ASXL3: variants seen among roughly 807,000 people sequenced by gnomAD.
ASXL3 encodes the protein putative Polycomb group protein ASXL3.
A neutral mutation model predicts 170.6 loss-of-function variants in ASXL3; 34 were observed. That is an observed-to-expected ratio of 0.20 (90% CI 0.15 to 0.27). The LOEUF (loss-of-function observed/expected upper bound fraction) is 0.27. Ranked by LOEUF, ASXL3 falls within the 10% of genes least tolerant of loss-of-function variation. The pLI, the probability that ASXL3 is intolerant of heterozygous loss-of-function variation, is 1.00. For synonymous variants in ASXL3, 1,002 were observed against 989.1 expected (o/e 1.01, Z -0.24); for missense variants, 2,592 against 2,695.3 (o/e 0.96, Z 0.85).
Position 33,748,915 on chromosome 18 carries a change from G to T in ASXL3, c.*2320G>T, listed in dbSNP as rs2067840724. On this transcript the variant is annotated 3_prime_UTR_variant, in exon 12 of 12. Transcript: ENST00000269197. ...TGATGAGATACTGAGCTCATTATCA[G>T]TTCCTTCATTGTTGAATACTGCCTG... 6.6e-6 allele frequency: 1 copy of T among 152,160 alleles called. No individual in the cohort carries two copies. The allele number at this position is 152,160 out of a possible 1,614,324, so 9.4% of individuals were successfully genotyped here.
chr18:33,657,781 A>C (rs937021764), intron 4 of ASXL3, among the ~76,000 whole-genome samples: 2 of 152,102 alleles, frequency 1.3e-5, no homozygotes, highest in Non-Finnish European at 1.5e-5. Flanking sequence ...TTGAGAGGCA[A>C]ATTTAAAATC....
chr18:33,606,877 G>A (rs1599387764), intron 1 of ASXL3, among the ~76,000 whole-genome samples: 1 of 151,926 alleles, frequency 6.6e-6, no homozygotes, highest in Non-Finnish European at 1.5e-5. Flanking sequence ...AGGGCTGATG[G>A]TCTAAGACCT....
intron 8 of ASXL3, among the ~76,000 whole-genome samples, chr18:33,712,156 T>TCATAA (rs1486359327): frequency 1.3e-5 from 2 of 152,212 alleles, no homozygotes; most frequent in Non-Finnish European, 2.9e-5. Flanking sequence ...TATTTGTTTA[T>TCATAA]AGTAGTTAAT....
At chr18:33,598,757 C>T (rs1242159111) in intron 1 of ASXL3, among the ~76,000 whole-genome samples, 6 of 152,100 alleles carry the variant, frequency 3.9e-5, no homozygotes, top group Admixed American at 3.3e-4. Context: ...TGACAAGACA[C>T]TGTAAGAATC....
intron 8 of ASXL3, among the ~76,000 whole-genome samples, chr18:33,688,714 A>G (rs1189151944): frequency 6.6e-6 from 1 of 152,320 alleles, no homozygotes; most frequent in South Asian, 2.1e-4. Flanking sequence ...AATAGTGTCA[A>G]ATGTACAATA....
chr18:33,692,264 G>A (rs1002815467), intron 8 of ASXL3, among the ~76,000 whole-genome samples: 1 of 152,152 alleles, frequency 6.6e-6, no homozygotes, highest in Non-Finnish European at 1.5e-5. Flanking sequence ...TTGCACTGGA[G>A]CAGGACATAC....
intron 7 of ASXL3, among the ~76,000 whole-genome samples, chr18:33,679,382 A>G (rs765198941): frequency 6.6e-6 from 1 of 152,090 alleles, no homozygotes; most frequent in Non-Finnish European, 1.5e-5. Context: ...TCTCAACTCA[A>G]CAAATATTAG....
At chr18:33,615,415 T>C (rs2065407161) in intron 2 of ASXL3, among the ~76,000 whole-genome samples, 1 of 152,094 alleles carries the variant, frequency 6.6e-6, no homozygotes, top group Non-Finnish European at 1.5e-5. Flanking sequence ...ACAATTACAG[T>C]AGTAACACCA....
intron 7 of ASXL3, among the ~76,000 whole-genome samples, chr18:33,674,299 G>A (rs941929237): frequency 6.6e-6 from 1 of 152,144 alleles, no homozygotes; most frequent in African/African-American, 2.4e-5. Flanking sequence ...TAAAGTGCAG[G>A]TCTAACTACA....
intron 8 of ASXL3, among the ~76,000 whole-genome samples, chr18:33,723,450 G>A (rs1056039675): frequency 6.6e-6 from 1 of 152,170 alleles, no homozygotes; most frequent in African/African-American, 2.4e-5. Context: ...CACTGCAGAT[G>A]TGGTGCAAAT....
rs533126824 is a variant in ASXL3, at chr18:33,629,540, A to G, written c.138-15354A>G. Among the ~76,000 whole-genome samples, 60 of 152,188 alleles carry G rather than the reference A, an allele frequency of 3.9e-4. 1 individual carries two copies. The South Asian group carries it at 0.01, about 26-fold the overall frequency. ...AGTTGCCATTTAGTTAGTTGATTAA[A>G]TAGGGGCCCAGGTTTAAGATAATTT... is the stretch of plus-strand genomic sequence containing the variant. On this transcript the variant is annotated intron_variant, in intron 2 of 11. Transcript: ENST00000269197.
chr18:33,591,638 C>CTT (rs370020953), intron 1 of ASXL3, among the ~76,000 whole-genome samples: 4 of 141,398 alleles, frequency 2.8e-5, no homozygotes, highest in Non-Finnish European at 4.6e-5. Context: ...AATGACACTA[C>CTT]TTTTTTTTTT....
At chr18:33,600,090 GA>G (rs2065168401) in intron 1 of ASXL3, among the ~76,000 whole-genome samples, 1 of 152,010 alleles carries the variant, frequency 6.6e-6, no homozygotes, top group African/African-American at 2.4e-5. Flanking sequence ...AGTGACACTG[GA>G]AAACTCAAGA....
intron 2 of ASXL3, among the ~76,000 whole-genome samples, chr18:33,634,790 A>G (rs1033383078): frequency 3.3e-5 from 5 of 152,196 alleles, no homozygotes; most frequent in African/African-American, 1.2e-4. Context: ...TAGCTTATCA[A>G]CAAGCCCCTG....
intron 1 of ASXL3, among the ~76,000 whole-genome samples, chr18:33,581,681 T>C (rs1400904992): frequency 1.3e-5 from 2 of 152,314 alleles, no homozygotes; most frequent in South Asian, 2.1e-4. Context: ...CTATTTTCTT[T>C]CTTTGTGAGA....
chr18:33,619,116 T>G (rs2065471450), intron 2 of ASXL3, among the ~76,000 whole-genome samples: 1 of 152,144 alleles, frequency 6.6e-6, no homozygotes, highest in Non-Finnish European at 1.5e-5. Flanking sequence ...ATTTTACCAG[T>G]AAAGAATCAG....
At chr18:33,688,477 G>A (rs548239367) in intron 8 of ASXL3, among the ~76,000 whole-genome samples, 1 of 152,308 alleles carries the variant, frequency 6.6e-6, no homozygotes, top group East Asian at 1.9e-4. Context: ...TGGAGTTAAT[G>A]ATAACATATA....
In ASXL3 at chr18:33,646,303, T is replaced by A; in HGVS notation, c.305T>A (p.Leu102Ter). The A allele has an allele frequency of 6.2e-7, 1 of 1,611,512 alleles. No individual in the cohort carries two copies. Among genetic ancestry groups the A allele is most frequent in the Non-Finnish European group, 8.5e-7 (1 of 1,178,210 alleles). The change falls in exon 4 of 12, where the codon TTG becomes TAG. Residue 102 changes from leucine (L) to a stop codon, truncating the protein, a stop_gained. Coordinates refer to ENST00000269197, the MANE Select transcript of ASXL3 (RefSeq NM_030632.3). LOFTEE classifies it high-confidence loss of function. ...GTLDLVCESE[L>*]DGTDMAEANA... Reference sequence around the variant, plus strand: ...TTGGATTTAGTCTGTGAATCTGAATTGGATGGTACAGATATGGCCGAGGCA... The same window carrying A: ...TTGGATTTAGTCTGTGAATCTGAATAGGATGGTACAGATATGGCCGAGGCA...
intron 9 of ASXL3, among the ~76,000 whole-genome samples, chr18:33,734,065 C>A (rs921239262): frequency 7.1e-6 from 1 of 140,962 alleles, no homozygotes; most frequent in Admixed American, 6.9e-5. Context: ...TCTTCTAAAG[C>A]ATTTAGCTTT....
Sources: allele counts gnomAD v4.1 joint callset (sites outside exome capture counted in the v4.1 genomes callset), GRCh38; gene constraint gnomAD v4.1.1; transcripts MANE v1.5; gene names NCBI Gene and HGNC (gene_info 2026-07-23, HGNC 2026-07-21).